FBXL20: variants seen among roughly 807,000 people sequenced by gnomAD.
FBXL20 encodes F-box and leucine rich repeat protein 20, also known as F-box/LRR-repeat protein 20.
FBXL20 carries 11 observed loss-of-function variants against 64.0 expected under a neutral mutation model. The observed-to-expected ratio is 0.17, with a 90% CI of 0.11 to 0.28. The LOEUF (loss-of-function observed/expected upper bound fraction) is 0.28, where lower values mean the gene tolerates loss of function less well. Among genes scored for constraint, FBXL20 ranks in the 10% least tolerant of loss-of-function variants. FBXL20 has a pLI of 1.00. For synonymous variants in FBXL20, 184 were observed against 189.0 expected, an observed-to-expected ratio of 0.97 and a Z score of 0.22; for missense variants, 303 against 526.2, an observed-to-expected ratio of 0.58 and a Z score of 4.15.
chr17:39,375,093 T>G (rs2047954541), intron 1 of FBXL20, among the ~76,000 whole-genome samples: 1 of 152,146 alleles, frequency 6.6e-6, no homozygotes, highest in Non-Finnish European at 1.5e-5. Context: ...CTGCTACTTT[T>G]CAATAATATA....
chr17:39,388,117 G>T (rs1391047651), intron 1 of FBXL20, among the ~76,000 whole-genome samples: 1 of 152,064 alleles, frequency 6.6e-6, no homozygotes, highest in Non-Finnish European at 1.5e-5. Context: ...TAATATAAAT[G>T]CTTGAGAAAA....
intron 1 of FBXL20, among the ~76,000 whole-genome samples, chr17:39,375,309 G>A (rs1286400277): frequency 6.6e-6 from 1 of 151,998 alleles, no homozygotes; most frequent in East Asian, 1.9e-4. Context: ...GAGCTCTTCA[G>A]AAACCTCCAA....
intron 2 of FBXL20, among the ~76,000 whole-genome samples, chr17:39,325,006 G>A (rs2047397072): frequency 6.6e-6 from 1 of 152,178 alleles, no homozygotes; most frequent in Non-Finnish European, 1.5e-5. Flanking sequence ...CAGGAGTTCT[G>A]AGACCAGCCT....
At chr17:39,358,242 T>C (rs1417728530) in intron 1 of FBXL20, among the ~76,000 whole-genome samples, 1 of 152,186 alleles carries the variant, frequency 6.6e-6, no homozygotes, top group East Asian at 1.9e-4. Context: ...CTCAGCTGAT[T>C]GGATGATGCT....
intron 1 of FBXL20, among the ~76,000 whole-genome samples, chr17:39,345,481 C>T (rs2047623349): frequency 1.3e-5 from 2 of 152,104 alleles, no homozygotes; most frequent in South Asian, 4.1e-4. Flanking sequence ...GAAGAGAAAG[C>T]AGAAATGGTA....
chr17:39,307,749 T>G (rs1469949924), intron 2 of FBXL20, among the ~76,000 whole-genome samples: 1 of 148,378 alleles, frequency 6.7e-6, no homozygotes, highest in Non-Finnish European at 1.5e-5. Context: ...GGCGGGTGGA[T>G]CACCTGAGGT....
At chr17:39,402,237 A>G (rs1232856977), upstream of FBXL20, 2 of 1,230,772 alleles carry the variant, frequency 1.6e-6, no homozygotes, top group African/African-American at 3.1e-5. Context: ...CCTCTTCTGG[A>G]TGTGTCTAGA....
intron 9 of FBXL20, among the ~76,000 whole-genome samples, chr17:39,278,827 G>A (rs1013260993): frequency 2.0e-5 from 3 of 150,282 alleles, no homozygotes; most frequent in Non-Finnish European, 4.4e-5. Flanking sequence ...TTACAGGTGT[G>A]AGCCACTGTG....
intron 2 of FBXL20, among the ~76,000 whole-genome samples, chr17:39,307,598 A>G (rs1419390390): frequency 4.6e-5 from 7 of 152,336 alleles, no homozygotes; most frequent in South Asian, 2.1e-4. Context: ...AAACAATTCT[A>G]TAAGATAGGT....
At chr17:39,300,747 C>A (rs1171424885) in intron 4 of FBXL20, among the ~76,000 whole-genome samples, 1 of 152,084 alleles carries the variant, frequency 6.6e-6, no homozygotes, top group Non-Finnish European at 1.5e-5. Flanking sequence ...AACTTTTAGT[C>A]CTATTTCAAG....
chr17:39,264,051 T>C (rs1449622847), intron 14 of FBXL20, 124 bp downstream of exon 14: 2 of 1,087,256 alleles, frequency 1.8e-6, no homozygotes, highest in Non-Finnish European at 1.3e-6. Flanking sequence ...TTTTTTCTCT[T>C]TCCCTTGTTA....
intron 3 of FBXL20, among the ~76,000 whole-genome samples, chr17:39,303,383 G>A (rs1379050544): frequency 1.3e-5 from 2 of 152,060 alleles, no homozygotes; most frequent in African/African-American, 2.4e-5. Flanking sequence ...ACAAATAAGA[G>A]ATACAAAAAG....
intron 1 of FBXL20, among the ~76,000 whole-genome samples, chr17:39,366,882 C>CTT (rs34067496): frequency 3.6e-5 from 5 of 137,702 alleles, no homozygotes; most frequent in Admixed American, 7.3e-5. Flanking sequence ...TCTATCAGTC[C>CTT]TTTTTTTTTT....
At chr17:39,340,207 C>T (rs1216520260) in intron 2 of FBXL20, among the ~76,000 whole-genome samples, 1 of 152,248 alleles carries the variant, frequency 6.6e-6, no homozygotes, top group Non-Finnish European at 1.5e-5. Flanking sequence ...AGCGATTCTC[C>T]TGCCTCAGCC....
intron 1 of FBXL20, among the ~76,000 whole-genome samples, chr17:39,388,490 T>C (rs865959850): frequency 1.5e-5 from 2 of 136,852 alleles, no homozygotes. Flanking sequence ...TTTTTTTTAA[T>C]TTTTTTTTTT....
At chr17:39,278,560 T>TC (rs2046920613) in intron 9 of FBXL20, among the ~76,000 whole-genome samples, 1 of 150,598 alleles carries the variant, frequency 6.6e-6, no homozygotes, top group Non-Finnish European at 1.5e-5. Flanking sequence ...TTTTTTTTTT[T>TC]TTTTTGAGAT....
intron 2 of FBXL20, among the ~76,000 whole-genome samples, chr17:39,313,273 G>C (rs1194268635): frequency 2.7e-5 from 4 of 150,690 alleles, no homozygotes; most frequent in Non-Finnish European, 4.4e-5. Context: ...TCACTCTATT[G>C]CCCAGGCTGG....
At chr17:39,379,366 T>G (rs2048000610) in intron 1 of FBXL20, among the ~76,000 whole-genome samples, 2 of 150,772 alleles carry the variant, frequency 1.3e-5, no homozygotes, top group Non-Finnish European at 2.9e-5. Flanking sequence ...GGTGATTCCT[T>G]AAAAAGTCAA....
At position 39,269,194 on chromosome 17, in the gene FBXL20, CTTTT is replaced by C. The variant is rs556636525; in HGVS notation, c.889-327_889-324del. ...CCTGGCTAATTTTTGTATTTCTTTT[CTTTT>C]TTTTTTCTTTTTGAGATGGAGTCTG... On this transcript the variant is annotated intron_variant, in intron 11 of 14. Coordinates refer to ENST00000264658, the MANE Select transcript of FBXL20 (RefSeq NM_032875.3). Among the ~76,000 whole-genome samples the C allele has an allele frequency of 7.9e-3, 1,174 of 147,948 alleles. 10 individuals carry two copies. The highest frequency in any genetic ancestry group is 0.014 in the Middle Eastern group (4 of 286).
Sources: gnomAD v4.1 joint callset for allele counts (sites outside exome capture counted in the v4.1 genomes callset) on GRCh38, gnomAD v4.1.1 for gene constraint, MANE v1.5 for transcripts, NCBI Gene and HGNC (gene_info 2026-07-23, HGNC 2026-07-21) for gene names.